Variants in IQSEC2 observed in about 807,000 individuals in gnomAD.
IQSEC2 encodes IQ motif and SEC7 domain-containing protein 2.
Under a neutral mutation model 74.6 loss-of-function variants are expected in IQSEC2, and 6 were observed. The ratio of observed to expected loss-of-function variants is 0.08; its 90% CI spans 0.04 to 0.16. The LOEUF is 0.16. Ranked by LOEUF, IQSEC2 falls within the 10% of genes least tolerant of loss-of-function variation. The pLI is 1.00. For missense variants in IQSEC2, 734 were observed against 1,306.2 expected (o/e 0.56, Z 6.75); for synonymous variants, 494 against 544.5 (o/e 0.91, Z 1.29).
intron 2 of IQSEC2, among the ~76,000 whole-genome samples, chrX:53,286,707 C>T (rs183473389): frequency 0.01 from 1,117 of 110,629 alleles, 12 homozygotes; most frequent in African/African-American, 0.035. Context: ...TTTGGGAGGC[C>T]GAGGAGGGGG....
At chrX:53,286,546 G>A (rs1220215135) in intron 2 of IQSEC2, among the ~76,000 whole-genome samples, 1 of 111,763 alleles carries the variant, frequency 8.9e-6, no homozygotes, top group Non-Finnish European at 1.9e-5. Context: ...GGCAGGAGGG[G>A]CAGATCCTGA....
chrX:53,281,153 A>G (rs2147263555), intron 2 of IQSEC2, among the ~76,000 whole-genome samples: 1 of 112,595 alleles, frequency 8.9e-6, no homozygotes, highest in East Asian at 2.8e-4. Context: ...AGAGACTCTT[A>G]GGCTGCTGGA....
intron 2 of IQSEC2, among the ~76,000 whole-genome samples, chrX:53,260,754 CT>C (rs782769237): frequency 2.7e-5 from 3 of 111,858 alleles, no homozygotes; most frequent in Admixed American, 9.5e-5. Context: ...CACTACTTAG[CT>C]CATTGAATTC....
chrX:53,243,187 C>T (rs2074251157), intron 9 of IQSEC2, 145 bp downstream of exon 9: 1 of 482,251 alleles, frequency 2.1e-6, no homozygotes, highest in East Asian at 3.7e-5. Flanking sequence ...TCACTCTGCA[C>T]CACAGCCTTC....
rs782522742 is a variant in IQSEC2 at position 53,280,653 on chromosome X, T to C, written c.737+11242A>G. Reference sequence around the variant, plus strand: ...GGGGCCCACACTCCACCCCTGATGCTGTGCCCCCACCACCCCTAGTGCAGG... The same window carrying C: ...GGGGCCCACACTCCACCCCTGATGCCGTGCCCCCACCACCCCTAGTGCAGG... On this transcript the variant is annotated intron_variant, in intron 2 of 14. Coordinates refer to ENST00000642864, the MANE Select transcript of IQSEC2 (RefSeq NM_001111125.3). Among the ~76,000 whole-genome samples the C allele has an allele frequency of 2.7e-5, 3 of 110,384 alleles. No individual in the cohort carries two copies. The East Asian group carries it at 8.7e-4, about 32-fold the overall frequency.
At chrX:53,229,899 G>A (rs1485478938), downstream of IQSEC2, 1 of 111,748 alleles carries the variant, frequency 8.9e-6, no homozygotes, top group African/African-American at 3.3e-5. Flanking sequence ...GTACTAGATA[G>A]CCCAATTTGT....
At chrX:53,266,558 C>A in intron 2 of IQSEC2, 1 of 763,770 alleles carries the variant, frequency 1.3e-6, no homozygotes, top group Non-Finnish European at 1.5e-6. Flanking sequence ...GCCCTAGGCA[C>A]CCTGCATCTC....
At chrX:53,258,961 C>A (rs1333024055) in intron 2 of IQSEC2, among the ~76,000 whole-genome samples, 5 of 111,669 alleles carry the variant, frequency 4.5e-5, no homozygotes, top group African/African-American at 1.6e-4. Flanking sequence ...GAGGCCAAGG[C>A]AGGTGGATCA....
At chrX:53,272,903 A>C (rs781957584) in intron 2 of IQSEC2, among the ~76,000 whole-genome samples, 3 of 111,673 alleles carry the variant, frequency 2.7e-5, no homozygotes, top group African/African-American at 9.8e-5. Flanking sequence ...CTATGAGGAA[A>C]ACAAGACACA....
chrX:53,285,897 T>C (rs1310647800), intron 2 of IQSEC2, among the ~76,000 whole-genome samples: 3 of 112,522 alleles, frequency 2.7e-5, no homozygotes, highest in Non-Finnish European at 3.8e-5. Flanking sequence ...AGCTGATTCC[T>C]AACTCTTTAT....
rs782243346 is a variant in IQSEC2, at chrX:53,251,080, C to T, written c.1496G>A (p.Arg499Gln). The change falls in exon 5 of 15, where the codon CGG becomes CAG. Residue 499 changes from arginine to glutamine, a missense_variant. Physicochemically the swap from Arg to Gln is conservative, Grantham distance 43 (BLOSUM62 1). Transcript: ENST00000642864. The part of the protein sequence containing the change: ...EEPGSAQLEK[R>Q]ESKEQQEDSS... ...GTCCTCTTGCTGTTCCTTTGACTCC[C>T]GCTTCTCCAGCTGGGCTGACCCTGG... 5.0e-6 allele frequency: 6 copies of T among 1,211,826 alleles called. No homozygotes were observed. In the Admixed American group the frequency reaches 8.7e-5, roughly 18 times the overall value.
downstream of IQSEC2, among the ~76,000 whole-genome samples, chrX:53,228,214 G>A (rs1452758604): frequency 8.9e-6 from 1 of 112,130 alleles, no homozygotes; most frequent in African/African-American, 3.2e-5. Flanking sequence ...TACAGATGAG[G>A]AAACTGAAGC....
intron 1 of IQSEC2, among the ~76,000 whole-genome samples, chrX:53,305,371 G>A (rs1425819257): frequency 6.4e-5 from 7 of 109,231 alleles, no homozygotes; most frequent in African/African-American, 2.3e-4. Context: ...ACACCACCAC[G>A]CCCAGCTAAT....
At chrX:53,230,896 C>A (rs2074061504), downstream of IQSEC2, 1 of 111,734 alleles carries the variant, frequency 8.9e-6, no homozygotes, top group Non-Finnish European at 1.9e-5. Flanking sequence ...GAGTGAGGAG[C>A]ATGGACAGCC....
rs2074320224 is a variant in IQSEC2 at position 53,247,198 on chromosome X, C to T, written c.2583-63G>A. 6.4e-6 allele frequency: 7 copies of T among 1,086,059 alleles called. No homozygotes were observed. The East Asian group carries it at 2.2e-4, about 34-fold the overall frequency. 89.5% of individuals were successfully genotyped at this position (1,086,059 alleles called of 1,213,427 possible). ...CAGCCATCTCTGCCTACCCACCATC[C>T]ACCCAGTCTGGCACCAGCAACCCTT... On this transcript the variant is annotated intron_variant, in intron 7 of 14. Transcript: ENST00000642864.
chrX:53,278,003 C>CTTTTTTTTTTTTTTT (rs36027805), intron 2 of IQSEC2, among the ~76,000 whole-genome samples: 69 of 37,541 alleles, frequency 1.8e-3, no homozygotes, highest in Non-Finnish European at 1.9e-3. Flanking sequence ...TTTTCTTTTT[C>CTTTTTTTTTTTTTTT]TTTTTTTTTT....
chrX:53,245,206 C>T (rs782032262), intron 8 of IQSEC2, among the ~76,000 whole-genome samples: 6 of 110,028 alleles, frequency 5.5e-5, no homozygotes, highest in Non-Finnish European at 7.6e-5. Flanking sequence ...TTTGGGAGGC[C>T]GAGTTGAGGC....
At chrX:53,262,526 C>T (rs2074583986) in intron 2 of IQSEC2, among the ~76,000 whole-genome samples, 1 of 112,345 alleles carries the variant, frequency 8.9e-6, no homozygotes, top group Non-Finnish European at 1.9e-5. Flanking sequence ...CGAGGAAGGT[C>T]ATTGCACCTG....
At chrX:53,278,705 T>A (rs1486456964) in intron 2 of IQSEC2, among the ~76,000 whole-genome samples, 1 of 112,556 alleles carries the variant, frequency 8.9e-6, no homozygotes, top group East Asian at 2.8e-4. Context: ...GTTGTAGTAT[T>A]CTCACTGACA....
Sources: allele counts gnomAD v4.1 joint callset (sites outside exome capture counted in the v4.1 genomes callset), GRCh38; gene constraint gnomAD v4.1.1; transcripts MANE v1.5; gene names NCBI Gene and HGNC (gene_info 2026-07-23, HGNC 2026-07-21).